The following TXNDC12 variants were observed in gnomAD, a reference collection of about 807,000 sequenced individuals.
TXNDC12 encodes the protein thioredoxin domain containing 12.
Under a neutral mutation model 24.2 loss-of-function variants are expected in TXNDC12, and 22 were observed. The ratio of observed to expected loss-of-function variants is 0.91; its 90% CI spans 0.65 to 1.30. The LOEUF (loss-of-function observed/expected upper bound fraction) is 1.30, where lower values mean the gene tolerates loss of function less well. TXNDC12 is among the 50% of genes most tolerant of loss of function. The probability of loss-of-function intolerance (pLI) is 0.00; values close to 1 mark genes in which losing one functional copy is unlikely to be tolerated. For synonymous variants in TXNDC12, 58 were observed against 73.4 expected (o/e 0.79, Z 1.07); for missense variants, 184 against 205.8 (o/e 0.89, Z 0.65).
intron 1 of TXNDC12, among the ~76,000 whole-genome samples, chr1:52,044,837 C>T (rs1686059554): frequency 6.6e-6 from 1 of 151,834 alleles, no homozygotes; most frequent in African/African-American, 2.4e-5. Flanking sequence ...TAGCCAGGTG[C>T]CGTGGTGCAA....
chr1:52,036,704 A>G (rs769145579), intron 2 of TXNDC12, among the ~76,000 whole-genome samples: 1 of 152,220 alleles, frequency 6.6e-6, no homozygotes, highest in African/African-American at 2.4e-5. Flanking sequence ...GCAGCTCTAA[A>G]TAATTAGAAC....
chr1:52,053,300 AAAAACTCAGATCT>A (rs1416013127), intron 1 of TXNDC12, among the ~76,000 whole-genome samples: 1 of 152,048 alleles, frequency 6.6e-6, no homozygotes, highest in African/African-American at 2.4e-5. Flanking sequence ...ACAGCAAAGA[AAAAACTCAGATCT>A]AAACCCACGT....
At chr1:52,031,111 ATT>A (rs1685745887) in intron 2 of TXNDC12, among the ~76,000 whole-genome samples, 1 of 149,756 alleles carries the variant, frequency 6.7e-6, no homozygotes, top group Admixed American at 6.7e-5. Flanking sequence ...TTTCCAAAGC[ATT>A]TTGTCTTTTG....
intron 2 of TXNDC12, among the ~76,000 whole-genome samples, chr1:52,041,238 CAGG>C (rs1685983199): frequency 1.3e-5 from 2 of 151,340 alleles, no homozygotes; most frequent in Admixed American, 1.3e-4. Flanking sequence ...GAGGCTGAGG[CAGG>C]AGAATGGCGT....
chr1:52,052,508 C>T (rs1686232999), intron 1 of TXNDC12: 1 of 169,706 alleles, frequency 5.9e-6, no homozygotes, highest in African/African-American at 2.4e-5. Flanking sequence ...GGAATCCAGC[C>T]TCCCATAAAG....
intron 2 of TXNDC12, among the ~76,000 whole-genome samples, chr1:52,035,287 C>T (rs1192331754): frequency 6.6e-6 from 1 of 152,162 alleles, no homozygotes; most frequent in Admixed American, 6.5e-5. Context: ...GTCTTGGCTC[C>T]TCCACTTACT....
chr1:52,055,867 A>C (rs1686334380), upstream of TXNDC12: 1 of 152,198 alleles, frequency 6.6e-6, no homozygotes, highest in Non-Finnish European at 1.5e-5. Flanking sequence ...CTGCAGGCTA[A>C]AGTGTAAAGC....
At chr1:52,053,339 C>CGTA (rs1401151957) in intron 1 of TXNDC12, among the ~76,000 whole-genome samples, 17 of 152,032 alleles carry the variant, frequency 1.1e-4, no homozygotes. Context: ...ACACTCTACT[C>CGTA]TTCTGTTACT....
chr1:52,033,131 C>T, intron 2 of TXNDC12: 1 of 1,614,006 alleles, frequency 6.2e-7, no homozygotes, highest in Non-Finnish European at 8.5e-7. Context: ...AGCGTTAGGG[C>T]CTCCAGGAGT....
intron 2 of TXNDC12, among the ~76,000 whole-genome samples, chr1:52,030,705 ATC>A (rs1685738924): frequency 6.6e-6 from 1 of 152,176 alleles, no homozygotes; most frequent in African/African-American, 2.4e-5. Context: ...CCTGGCAAAC[ATC>A]TGTTTATCCT....
intron 1 of TXNDC12, among the ~76,000 whole-genome samples, 176 bp from the exon 2 acceptor site, chr1:52,041,773 G>A (rs1341544990): frequency 6.6e-6 from 1 of 152,212 alleles, no homozygotes; most frequent in Non-Finnish European, 1.5e-5. Flanking sequence ...TCAAGCCTCA[G>A]TTTTCATACC....
chr1:52,030,124 C>T (rs540741658), intron 2 of TXNDC12, among the ~76,000 whole-genome samples: 47 of 152,164 alleles, frequency 3.1e-4, no homozygotes, highest in Middle Eastern at 3.4e-3. Context: ...AATCTCAGCA[C>T]TTTGGGAGGC....
At chr1:52,051,699 T>C (rs1686208885) in intron 1 of TXNDC12, 1 of 169,156 alleles carries the variant, frequency 5.9e-6, no homozygotes, top group Middle Eastern at 5.2e-4. Context: ...AATTTCTATT[T>C]AGTGCTAAGT....
intron 2 of TXNDC12, among the ~76,000 whole-genome samples, chr1:52,036,938 G>C (rs1685893189): frequency 6.6e-6 from 1 of 152,152 alleles, no homozygotes; most frequent in Admixed American, 6.5e-5. Context: ...ACCCTGTGAA[G>C]TCTTGTGTAC....
intron 6 of TXNDC12, 70 bp from the exon 7 acceptor site, chr1:52,021,082 C>T (rs1257054024): frequency 4.4e-6 from 5 of 1,126,816 alleles, no homozygotes; most frequent in Admixed American, 1.7e-5. Flanking sequence ...CCAATGTACA[C>T]TTTTAAATGT....
At chr1:52,047,959 G>A (rs1188556048) in intron 1 of TXNDC12, among the ~76,000 whole-genome samples, 2 of 151,410 alleles carry the variant, frequency 1.3e-5, no homozygotes, top group Non-Finnish European at 2.9e-5. Context: ...TAATAAAGGA[G>A]ATAAAATAAG....
rs745679328 is a variant in TXNDC12 at position 52,033,445 on chromosome 1, T to C, written c.159-4815A>G. 11 of 1,612,844 alleles carry C rather than the reference T, an allele frequency of 6.8e-6. No individual in the cohort carries two copies. The highest frequency in any genetic ancestry group is 8.5e-6 in the Non-Finnish European group (10 of 1,179,504). On this transcript the variant is annotated intron_variant, in intron 2 of 6. Transcript: ENST00000371626. ...GATCGGGCCGCCGGGCCGTACGCAG[T>C]AGACCAGGCAGAGCGGGGTGCGCGC...
In TXNDC12 at chr1:52,033,823, G is replaced by A. The variant is rs996343982; in HGVS notation, c.159-5193C>T. 6 of 1,479,270 alleles carry A rather than the reference G, an allele frequency of 4.1e-6. No homozygotes were observed. The Middle Eastern group carries it at 6.6e-4, about 163-fold the overall frequency. 91.6% of individuals were successfully genotyped at this position (1,479,270 alleles called of 1,614,324 possible). ...CAACTTCCGGGTTGTACGCGTCTCCGACGTAAGCCGGAAGTGCAAACTGCT... is the reference window on the plus strand; with the variant it reads ...CAACTTCCGGGTTGTACGCGTCTCCAACGTAAGCCGGAAGTGCAAACTGCT... On this transcript the variant is annotated intron_variant, in intron 2 of 6. Transcript: ENST00000371626.
intron 1 of TXNDC12, chr1:52,052,564 G>A (rs1440673148): frequency 5.9e-6 from 1 of 168,514 alleles, no homozygotes; most frequent in Non-Finnish European, 1.5e-5. Context: ...AGATCACATG[G>A]AGAGGTAACC....
Sources: allele counts gnomAD v4.1 joint callset (sites outside exome capture counted in the v4.1 genomes callset), GRCh38; gene constraint gnomAD v4.1.1; transcripts MANE v1.5; gene names NCBI Gene and HGNC (gene_info 2026-07-23, HGNC 2026-07-21).